Variants in SLC6A5 observed in about 807,000 individuals in gnomAD.
SLC6A5 encodes the protein solute carrier family 6 member 5.
A neutral mutation model predicts 90.5 loss-of-function variants in SLC6A5; 58 were observed. The ratio of observed to expected loss-of-function variants is 0.64; its 90% confidence interval spans 0.52 to 0.80. The LOEUF (loss-of-function observed/expected upper bound fraction) is 0.80. Ranked by LOEUF, SLC6A5 falls within the 30% of genes least tolerant of loss-of-function variation. The probability of loss-of-function intolerance (pLI) is 0.00; values close to 1 mark genes in which losing one functional copy is unlikely to be tolerated. For missense variants in SLC6A5, 1,015 were observed against 1,017.6 expected (o/e 1.00, Z 0.03); for synonymous variants, 427 against 401.4 (o/e 1.06, Z -0.76).
intron 1 of SLC6A5, among the ~76,000 whole-genome samples, chr11:20,600,393 GAAGAAGAAGAAGAA>G (rs1852443137): frequency 6.9e-6 from 1 of 144,624 alleles, no homozygotes; most frequent in Non-Finnish European, 1.5e-5. Flanking sequence ...AGAAGAAGAA[GAAGAAGAAGAAGAA>G]GAAGACCTAA....
Position 20,654,741 on chromosome 11 carries a change from C to T in SLC6A5, c.2267C>T (p.Pro756Leu), listed in dbSNP as rs199835047. The T allele has an allele frequency of 5.2e-5, 84 of 1,613,984 alleles. No individual in the cohort carries two copies. The highest frequency in any genetic ancestry group is 6.4e-5 in the Non-Finnish European group (76 of 1,180,020). The change falls in exon 16 of 16, where the codon CCG becomes CTG. Residue 756 changes from proline to leucine, a missense_variant. Pro to Leu is a moderately conservative substitution (Grantham distance 98, BLOSUM62 -3). Transcript: ENST00000525748. ...ERLKLVCSPQ[P>L]DWGPFLAQHR... is the part of the protein sequence containing the mutation. The stretch of plus-strand genomic sequence containing the variant: ...CTGAAGTTGGTGTGCTCGCCACAGC[C>T]GGACTGGGGCCCATTCTTAGCTCAA...
At chr11:20,653,231 G>A (rs1438488155) in intron 15 of SLC6A5, among the ~76,000 whole-genome samples, 1 of 152,156 alleles carries the variant, frequency 6.6e-6, no homozygotes, top group Non-Finnish European at 1.5e-5. Flanking sequence ...CTAAATCAGG[G>A]CTACTTAGGG....
In SLC6A5 at chr11:20,601,405, C is replaced by A. The variant is rs780331785; in HGVS notation, c.280C>A (p.Leu94Met). The change falls in exon 2 of 16, where the codon CTG (leucine) becomes ATG (methionine). Residue 94 changes from leucine to methionine, a missense_variant. Around this residue, in one of 3 missense-constraint regions of SLC6A5, gnomAD observed 567 missense variants for 507.3 expected, o/e 1.12. Transcript: ENST00000525748. ...GCGGGCGCAGGCGGCCTCTGCAGCT[C>A]TGCGGGACTTGAGAGAGGCGCAAGG... ...SPRAQAASAA[L>M]RDLREAQGAQ... is the part of the protein sequence containing the mutation. The A allele has an allele frequency of 7.5e-6, 12 of 1,605,302 alleles. No homozygotes were observed. Among genetic ancestry groups the A allele is most frequent in the African/African-American group, 1.3e-5 (1 of 74,798 alleles).
intron 13 of SLC6A5, among the ~76,000 whole-genome samples, chr11:20,639,731 A>G (rs1565286449): frequency 6.6e-6 from 1 of 152,218 alleles, no homozygotes; most frequent in East Asian, 1.9e-4. Context: ...ATGGAAAAAG[A>G]AACCTCCTGT....
intron 15 of SLC6A5, among the ~76,000 whole-genome samples, chr11:20,652,853 A>T (rs932297805): frequency 6.6e-6 from 1 of 152,114 alleles, no homozygotes; most frequent in East Asian, 1.9e-4. Context: ...TTCTTCCCAA[A>T]CATCTATTAC....
intron 15 of SLC6A5, 150 bp downstream of exon 15, chr11:20,652,606 C>T: frequency 1.2e-6 from 1 of 827,666 alleles, no homozygotes; most frequent in South Asian, 1.4e-5. Context: ...TCTGTTAAAC[C>T]CATTTTTATT....
chr11:20,629,085 C>T (rs1344545983), intron 9 of SLC6A5: 6 of 151,858 alleles, frequency 4.0e-5, no homozygotes, highest in African/African-American at 1.2e-4. Flanking sequence ...GCAGGAGAAC[C>T]AGGATTTCAG....
In SLC6A5 at chr11:20,656,172, T is replaced by G. The variant is rs1043978673; in HGVS notation, c.*1304T>G. ...CAAAGTGTAAACTTTATTATCTTCT[T>G]GTATCCTGAACATGCATATATGAAA... On this transcript the variant is annotated 3_prime_UTR_variant, in exon 16 of 16. Coordinates refer to ENST00000525748, the MANE Select transcript of SLC6A5 (RefSeq NM_004211.5). 2 of 152,218 alleles carry G rather than the reference T, an allele frequency of 1.3e-5. No individual in the cohort carries two copies. The highest frequency in any genetic ancestry group is 2.9e-5 in the Non-Finnish European group (2 of 68,030). The allele number at this position is 152,218 out of a possible 1,614,324, so 9.4% of individuals were successfully genotyped here.
intron 14 of SLC6A5, among the ~76,000 whole-genome samples, chr11:20,651,723 C>T (rs1301304524): frequency 6.6e-6 from 1 of 151,936 alleles, no homozygotes; most frequent in African/African-American, 2.4e-5. Flanking sequence ...GCCTGGCCAA[C>T]ATGGTGAAAT....
chr11:20,603,972 G>A (rs752965936), intron 2 of SLC6A5, among the ~76,000 whole-genome samples: 1 of 152,034 alleles, frequency 6.6e-6, no homozygotes, highest in Admixed American at 6.6e-5. Context: ...TCAAGGTTTG[G>A]GGAGAGCTGC....
At chr11:20,649,048 A>C (rs1415983886) in intron 14 of SLC6A5, among the ~76,000 whole-genome samples, 4 of 152,162 alleles carry the variant, frequency 2.6e-5, no homozygotes, top group African/African-American at 9.7e-5. Context: ...TATCTCTAAA[A>C]ACCTAGTACT....
chr11:20,650,644 T>A (rs1429400843), intron 14 of SLC6A5, among the ~76,000 whole-genome samples: 1 of 146,226 alleles, frequency 6.8e-6, no homozygotes, highest in East Asian at 2.0e-4. Flanking sequence ...CACTTGGTGA[T>A]GACGCCTGTT....
intron 15 of SLC6A5, 96 bp from the exon 16 acceptor site, chr11:20,654,617 A>C (rs1324250209): frequency 7.7e-5 from 96 of 1,247,308 alleles, no homozygotes; most frequent in Non-Finnish European, 4.5e-5. Context: ...GACTCTGGTC[A>C]AAGTGGTCAT....
chr11:20,627,478 G>T (rs1853019816), intron 8 of SLC6A5, among the ~76,000 whole-genome samples: 1 of 152,202 alleles, frequency 6.6e-6, no homozygotes, highest in African/African-American at 2.4e-5. Context: ...AAAACAGAAA[G>T]TCTCCACTTA....
intron 7 of SLC6A5, 43 bp from the exon 8 acceptor site, chr11:20,626,665 G>T (rs1853000849): frequency 2.5e-6 from 4 of 1,611,830 alleles, no homozygotes; most frequent in Non-Finnish European, 2.5e-6. Context: ...GGTGCACTCT[G>T]CAGGGCTGCT....
At chr11:20,619,948 C>G (rs549368549) in intron 7 of SLC6A5, among the ~76,000 whole-genome samples, 1 of 152,120 alleles carries the variant, frequency 6.6e-6, no homozygotes, top group Non-Finnish European at 1.5e-5. Context: ...TTAACTTGAC[C>G]CTTATGACAA....
intron 13 of SLC6A5, among the ~76,000 whole-genome samples, chr11:20,643,498 A>T (rs1023302048): frequency 2.6e-5 from 4 of 151,950 alleles, no homozygotes; most frequent in South Asian, 2.1e-4. Flanking sequence ...TCATGGATTG[A>T]CCTCTCCGGA....
Position 20,654,621 on chromosome 11 carries a change from T to C in SLC6A5, c.2239-92T>C, listed in dbSNP as rs957559493. 3.1e-5 allele frequency: 39 copies of C among 1,268,718 alleles called. No homozygotes were observed. The African/African-American group carries it at 5.0e-4, about 16-fold the overall frequency. The allele number at this position is 1,268,718 out of a possible 1,614,324, so 78.6% of individuals were successfully genotyped here. A position where few individuals can be genotyped will look rare whatever the true frequency, so the allele number is the denominator to read the frequency against. ...GCTCAAGCAAGGACTCTGGTCAAAG[T>C]GGTCATAAGCAGTTTGGGGATGAGT... On this transcript the variant is annotated intron_variant, in intron 15 of 15. Transcript: ENST00000525748.
At chr11:20,652,028 T>G (rs1356709549) in intron 14 of SLC6A5, among the ~76,000 whole-genome samples, 1 of 152,216 alleles carries the variant, frequency 6.6e-6, no homozygotes, top group East Asian at 1.9e-4. Context: ...CTTCTCTGCC[T>G]GTCTGTATGT....
Sources: gnomAD v4.1 joint callset for allele counts (sites outside exome capture counted in the v4.1 genomes callset) on GRCh38, gnomAD v4.1.1 for gene constraint, gnomAD v4.1.1 regional missense constraint, MANE v1.5 for transcripts, NCBI Gene and HGNC (gene_info 2026-07-23, HGNC 2026-07-21) for gene names.